Variants in ORC5 observed in about 807,000 individuals in gnomAD.
ORC5 encodes origin recognition complex subunit 5.
Under a neutral mutation model 58.8 loss-of-function variants are expected in ORC5, and 39 were observed. The ratio of observed to expected loss-of-function variants is 0.66; its 90% CI spans 0.51 to 0.87. The LOEUF (loss-of-function observed/expected upper bound fraction) is 0.87, where lower values mean the gene tolerates loss of function less well. ORC5 is among the 40% of genes least tolerant of loss of function. ORC5 has a pLI of 0.00. For synonymous variants in ORC5, 218 were observed against 177.6 expected, an observed-to-expected ratio of 1.23 and a Z score of -1.81; for missense variants, 493 against 506.3, an observed-to-expected ratio of 0.97 and a Z score of 0.25.
In ORC5 at chr7:104,207,990, A is replaced by T. The variant is rs573967771; in HGVS notation, c.-86T>A. 30 of 1,327,048 alleles carry T rather than the reference A, an allele frequency of 2.3e-5. No individual in the cohort carries two copies. Among genetic ancestry groups the T allele is most frequent in the South Asian group, 1.1e-4 (9 of 82,730 alleles). The allele number at this position is 1,327,048 out of a possible 1,614,324, so 82.2% of individuals were successfully genotyped here. A position where few individuals can be genotyped will look rare whatever the true frequency, so the allele number is the denominator to read the frequency against. Reference sequence around the variant, plus strand: ...GAGCCTCTCCCGAGTCTGGCGGCCCACGCTCCCGCCGGAAACCGGACCCGC... The same window carrying T: ...GAGCCTCTCCCGAGTCTGGCGGCCCTCGCTCCCGCCGGAAACCGGACCCGC... On this transcript the variant is annotated 5_prime_UTR_variant, in exon 1 of 14. Coordinates refer to ENST00000297431, the MANE Select transcript of ORC5 (RefSeq NM_002553.4).
At chr7:104,193,258 T>C (rs1799716790) in intron 5 of ORC5, among the ~76,000 whole-genome samples, 1 of 152,100 alleles carries the variant, frequency 6.6e-6, no homozygotes, top group East Asian at 1.9e-4. Flanking sequence ...ATTAATATAG[T>C]ATTACATGGT....
Position 104,195,184 on chromosome 7 carries a change from C to T in ORC5, c.512G>A (p.Cys171Tyr). The change falls in exon 5 of 14, where the codon TGC (cysteine) becomes TAC (tyrosine). Residue 171 changes from cysteine to tyrosine, a missense_variant. Transcript: ENST00000297431. ...VWEKFRPNTGCFEPFVLYFPD... is the reference protein window; with the variant it reads ...VWEKFRPNTGYFEPFVLYFPD... Reference sequence around the variant, plus strand: ...GAAATATAAGACAAACGGCTCAAAGCATCCAGTATTTGGACGAAACTTTTC... The same window carrying T: ...GAAATATAAGACAAACGGCTCAAAGTATCCAGTATTTGGACGAAACTTTTC... 1 of 1,577,520 alleles carries T rather than the reference C, an allele frequency of 6.3e-7. No individual in the cohort carries two copies. Among genetic ancestry groups the T allele is most frequent in the Non-Finnish European group, 8.6e-7 (1 of 1,166,802 alleles).
At chr7:104,194,242 G>A (rs10251976) in intron 5 of ORC5, among the ~76,000 whole-genome samples, 14,681 of 151,394 alleles carry the variant, frequency 0.097, 1,163 homozygotes, top group African/African-American at 0.22. Context: ...TCAGCTAATT[G>A]GCTATGACAG....
chr7:104,195,139 T>A lies in ORC5; in HGVS notation c.553+4A>T, dbSNP rs376465402. On this transcript the variant is annotated splice_donor_region_variant and intron_variant, in intron 5 of 13. Coordinates refer to ENST00000297431, the MANE Select transcript of ORC5 (RefSeq NM_002553.4). ...ATTTGCCAAAACAATGTTTTAAGGT[T>A]TACCTATGCTGTAATCAGGGAAATA... is the stretch of plus-strand genomic sequence containing the variant. 1 of 1,481,136 alleles carries A rather than the reference T, an allele frequency of 6.8e-7. No individual in the cohort carries two copies. The highest frequency in any genetic ancestry group is 2.2e-5 in the Admixed American group (1 of 45,304). 91.7% of individuals were successfully genotyped at this position (1,481,136 alleles called of 1,614,324 possible).
intron 2 of ORC5, chr7:104,202,292 T>C (rs566983877): frequency 4.6e-6 from 1 of 217,050 alleles, no homozygotes; most frequent in African/African-American, 2.3e-5. Context: ...CTGGTAACTA[T>C]TTTTAGTGAT....
chr7:104,183,805 G>T, intron 8 of ORC5, 138 bp downstream of exon 8: 2 of 609,410 alleles, frequency 3.3e-6, no homozygotes, highest in Non-Finnish European at 2.9e-6. Context: ...ACTACAGCAT[G>T]TGCTTTCCCA....
intron 8 of ORC5, among the ~76,000 whole-genome samples, chr7:104,181,817 G>T (rs151086817): frequency 6.6e-5 from 10 of 151,162 alleles, no homozygotes; most frequent in African/African-American, 2.2e-4. Context: ...AAGAAAATGT[G>T]CACAGAATTG....
chr7:104,161,070 AC>A lies in ORC5; in HGVS notation c.1149+1del. ...CAGATAATAATCTATGATTAAGCTT[AC>A]CTGGGAAAAAATATTTGCTGTTGGA... On this transcript the variant is annotated splice_donor_variant, in intron 12 of 13. Transcript: ENST00000297431. LOFTEE classifies it high-confidence loss of function. 1 of 1,442,070 alleles carries A rather than the reference AC, an allele frequency of 6.9e-7. No individual in the cohort carries two copies. The highest frequency in any genetic ancestry group is 1.1e-5 in the South Asian group (1 of 87,382). The allele number at this position is 1,442,070 out of a possible 1,614,324, so 89.3% of individuals were successfully genotyped here.
At chr7:104,192,678 T>C (rs1177183362) in intron 5 of ORC5, among the ~76,000 whole-genome samples, 4 of 151,952 alleles carry the variant, frequency 2.6e-5, no homozygotes, top group Non-Finnish European at 4.4e-5. Flanking sequence ...ATACCCAAGA[T>C]GGAGAAAAAT....
chr7:104,184,249 C>A, intron 6 of ORC5, 78 bp from the exon 7 acceptor site: 1 of 938,420 alleles, frequency 1.1e-6, no homozygotes, highest in African/African-American at 1.7e-5. Context: ...CAAGTAAAAT[C>A]TGTATTGCAG....
intron 13 of ORC5, among the ~76,000 whole-genome samples, chr7:104,127,482 C>A (rs542955681): frequency 6.6e-6 from 1 of 152,052 alleles, no homozygotes; most frequent in African/African-American, 2.4e-5. Flanking sequence ...AATAAAATAG[C>A]AGAGAGAGAG....
intron 8 of ORC5, among the ~76,000 whole-genome samples, chr7:104,177,530 C>G (rs1014940599): frequency 1.3e-5 from 2 of 151,914 alleles, no homozygotes; most frequent in African/African-American, 4.8e-5. Context: ...AAGTATACCC[C>G]CAAAAATAAG....
chr7:104,192,061 T>C (rs1427456441), intron 5 of ORC5, among the ~76,000 whole-genome samples: 1 of 152,168 alleles, frequency 6.6e-6, no homozygotes, highest in Non-Finnish European at 1.5e-5. Flanking sequence ...TCAGCCAGGC[T>C]TTCTAACAAG....
intron 12 of ORC5, among the ~76,000 whole-genome samples, chr7:104,153,854 G>C (rs561930026): frequency 6.6e-6 from 1 of 152,062 alleles, no homozygotes; most frequent in South Asian, 2.1e-4. Flanking sequence ...TCAATAAATG[G>C]ATTAGATATT....
chr7:104,162,781 T>C (rs532714860), intron 11 of ORC5, among the ~76,000 whole-genome samples: 12 of 152,346 alleles, frequency 7.9e-5, no homozygotes, highest in Non-Finnish European at 1.2e-4. Context: ...TACAGATAAG[T>C]TGAAGCTTCC....
chr7:104,198,972 A>G (rs1051037341), intron 3 of ORC5, among the ~76,000 whole-genome samples: 7 of 152,270 alleles, frequency 4.6e-5, no homozygotes, highest in African/African-American at 1.2e-4. Context: ...GCAAGCCCCA[A>G]GCCTTGGCGG....
At chr7:104,159,577 A>G (rs1260793279) in intron 12 of ORC5, among the ~76,000 whole-genome samples, 1 of 123,536 alleles carries the variant, frequency 8.1e-6, no homozygotes, top group African/African-American at 2.5e-5. Context: ...ATAAGTTATA[A>G]GCTCATTGAA....
chr7:104,126,662 T>C lies in ORC5; in HGVS notation c.*186A>G, dbSNP rs1798433781. ...CAAATACTCCAGGGTCCCTGGTAAA[T>C]AGTCTTCTGCTCACATCCACCCAGA... On this transcript the variant is annotated 3_prime_UTR_variant, in exon 14 of 14. Coordinates refer to ENST00000297431, the MANE Select transcript of ORC5 (RefSeq NM_002553.4). 6.0e-6 allele frequency: 3 copies of C among 501,122 alleles called. No homozygotes were observed. The highest frequency in any genetic ancestry group is 4.0e-5 in the African/African-American group (2 of 50,006). The allele number at this position is 501,122 out of a possible 1,614,324, so 31.0% of individuals were successfully genotyped here.
At chr7:104,205,479 G>T (rs565952939) in intron 1 of ORC5, among the ~76,000 whole-genome samples, 1 of 152,022 alleles carries the variant, frequency 6.6e-6, no homozygotes, top group East Asian at 1.9e-4. Flanking sequence ...AATTATCATC[G>T]ATTACAGCAA....
Sources: gnomAD v4.1 joint callset for allele counts (sites outside exome capture counted in the v4.1 genomes callset) on GRCh38, gnomAD v4.1.1 for gene constraint, MANE v1.5 for transcripts, NCBI Gene and HGNC (gene_info 2026-07-23, HGNC 2026-07-21) for gene names.